Variants in AFF2 observed in about 807,000 individuals in gnomAD.
AFF2 encodes the protein ALF transcription elongation factor 2, also known as AF4/FMR2 family member 2.
A neutral mutation model predicts 76.9 loss-of-function variants in AFF2; 14 were observed. The ratio of observed to expected loss-of-function variants is 0.18; its 90% confidence interval spans 0.12 to 0.28. The LOEUF is 0.28. AFF2 is among the 10% of genes least tolerant of loss of function. The pLI is 1.00. For missense variants in AFF2, 868 were observed against 1,001.1 expected (o/e 0.87, Z 1.79); for synonymous variants, 398 against 366.7 (o/e 1.09, Z -0.98).
At chrX:148,893,879 T>G (rs2071251744) in intron 8 of AFF2, among the ~76,000 whole-genome samples, 1 of 111,792 alleles carries the variant, frequency 8.9e-6, no homozygotes, top group Non-Finnish European at 1.9e-5. Flanking sequence ...GTCCTCATCA[T>G]GTTGCCCTTT....
intron 1 of AFF2, 85 bp downstream of exon 1, chrX:148,501,229 A>G: frequency 1.8e-6 from 2 of 1,134,592 alleles, no homozygotes. Context: ...GAGGAGCTGA[A>G]GCTGTCGTGG....
intron 1 of AFF2, among the ~76,000 whole-genome samples, chrX:148,583,080 G>A (rs1378282692): frequency 1.8e-5 from 2 of 111,759 alleles, no homozygotes; most frequent in East Asian, 2.8e-4. Flanking sequence ...GTAAATTAGT[G>A]GTTGTAACTG....
intron 1 of AFF2, among the ~76,000 whole-genome samples, chrX:148,544,351 G>A (rs1381141643): frequency 8.9e-6 from 1 of 111,854 alleles, no homozygotes; most frequent in African/African-American, 3.2e-5. Flanking sequence ...ATCCCAGCTG[G>A]GAAATGATTT....
Position 148,904,226 on chromosome X carries a change from T to C in AFF2, c.1365T>C (p.Val455=), listed in dbSNP as rs782384593. 1.1e-5 allele frequency: 13 copies of C among 1,154,169 alleles called. No individual in the cohort carries two copies. Among genetic ancestry groups the C allele is most frequent in the Admixed American group, 6.7e-5 (3 of 44,955 alleles). The change falls in exon 9 of 21, where the codon GTT becomes GTC. Residue 455 remains valine, a synonymous_variant. Coordinates refer to ENST00000370460, the MANE Select transcript of AFF2 (RefSeq NM_002025.4). ...QCTATELYQA[V]EKAKPRNNPV... is the part of the protein sequence containing the mutation. ...ATTTTTTCTTCTGTTTACAGGCTGT[T>C]GAAAAGGCAAAACCTAGGAATAATC...
At chrX:148,527,040 C>G (rs2052668470) in intron 1 of AFF2, among the ~76,000 whole-genome samples, 2 of 111,653 alleles carry the variant, frequency 1.8e-5, no homozygotes, top group Non-Finnish European at 3.8e-5. Flanking sequence ...TAAGTATTTC[C>G]CTACAAAATA....
chrX:148,590,229 G>C (rs2053510469), intron 1 of AFF2, among the ~76,000 whole-genome samples: 1 of 109,117 alleles, frequency 9.2e-6, no homozygotes, highest in African/African-American at 3.3e-5. Context: ...GCCATTGGCT[G>C]TTAGAAAAAA....
intron 7 of AFF2, among the ~76,000 whole-genome samples, chrX:148,851,531 G>C (rs2070730810): frequency 9.0e-6 from 1 of 111,274 alleles, no homozygotes; most frequent in African/African-American, 3.3e-5. Context: ...ATACTGCCTT[G>C]TCCTTGCCAA....
Position 148,800,634 on chromosome X carries a change from A to G in AFF2, c.1042-9242A>G, listed in dbSNP as rs782355391. On this transcript the variant is annotated intron_variant, in intron 3 of 20. Coordinates refer to ENST00000370460, the MANE Select transcript of AFF2 (RefSeq NM_002025.4). ...AAAAGCTTCTTTTTTAAACGGGGTT[A>G]TGGAACTTAATTTAAGACCCCATAA... Among the ~76,000 whole-genome samples the G allele has an allele frequency of 9.9e-5, 11 of 111,468 alleles. No homozygotes were observed. The East Asian group carries it at 2.3e-3, about 23-fold the overall frequency.
chrX:148,689,565 G>A (rs916177854), intron 3 of AFF2, among the ~76,000 whole-genome samples: 1 of 111,079 alleles, frequency 9.0e-6, no homozygotes, highest in South Asian at 3.9e-4. Flanking sequence ...TCTTTTTCTA[G>A]TTCATGGATT....
intron 1 of AFF2, among the ~76,000 whole-genome samples, chrX:148,588,404 T>A (rs2053490141): frequency 8.9e-6 from 1 of 112,328 alleles, no homozygotes; most frequent in African/African-American, 3.2e-5. Flanking sequence ...ACTTTGTTAG[T>A]CCCTCCAACA....
intron 5 of AFF2, among the ~76,000 whole-genome samples, chrX:148,842,459 C>T (rs572301755): frequency 3.6e-5 from 4 of 112,615 alleles, no homozygotes; most frequent in African/African-American, 1.3e-4. Context: ...TGAGGTACAT[C>T]TGTGCACATG....
chrX:148,772,230 G>A (rs991097209), intron 3 of AFF2, among the ~76,000 whole-genome samples: 2 of 112,010 alleles, frequency 1.8e-5, no homozygotes, highest in African/African-American at 3.2e-5. Context: ...CAAATCACTC[G>A]TTTTGTTTCT....
chrX:148,771,016 G>A (rs1316438057), intron 3 of AFF2, among the ~76,000 whole-genome samples: 1 of 111,691 alleles, frequency 9.0e-6, no homozygotes, highest in East Asian at 2.8e-4. Flanking sequence ...TTCTTTCACA[G>A]GATCTGGAAT....
At chrX:148,706,188 T>G (rs1460369501) in intron 3 of AFF2, among the ~76,000 whole-genome samples, 1 of 112,371 alleles carries the variant, frequency 8.9e-6, no homozygotes, top group African/African-American at 3.2e-5. Flanking sequence ...CTCAGAGCCT[T>G]GCATTAAAAT....
intron 1 of AFF2, among the ~76,000 whole-genome samples, chrX:148,556,910 A>G (rs1457090179): frequency 2.7e-5 from 3 of 112,118 alleles, no homozygotes; most frequent in African/African-American, 9.7e-5. Flanking sequence ...TTCTTTTTTA[A>G]TATCATTTAT....
chrX:148,951,208 T>C (rs1425697948), intron 9 of AFF2, among the ~76,000 whole-genome samples: 1 of 111,208 alleles, frequency 9.0e-6, no homozygotes, highest in Non-Finnish European at 1.9e-5. Context: ...CCCCAATTTT[T>C]CTACTAAATC....
chrX:148,609,859 C>T (rs2053709417), intron 1 of AFF2, among the ~76,000 whole-genome samples: 1 of 111,661 alleles, frequency 9.0e-6, no homozygotes, highest in Non-Finnish European at 1.9e-5. Flanking sequence ...TTCCTGCTTC[C>T]TTGGCAAGGC....
chrX:148,983,593 A>C (rs914459976), intron 19 of AFF2, among the ~76,000 whole-genome samples: 1 of 111,940 alleles, frequency 8.9e-6, no homozygotes, highest in East Asian at 2.8e-4. Flanking sequence ...TAGAATTCCC[A>C]CAGCACTTGG....
At chrX:148,617,944 A>G (rs1557250705) in intron 1 of AFF2, among the ~76,000 whole-genome samples, 2 of 111,857 alleles carry the variant, frequency 1.8e-5, no homozygotes, top group African/African-American at 3.2e-5. Flanking sequence ...ATCTTTACAC[A>G]GGAGTGACAT....
Sources: allele counts gnomAD v4.1 joint callset (sites outside exome capture counted in the v4.1 genomes callset), GRCh38; gene constraint gnomAD v4.1.1; transcripts MANE v1.5; gene names NCBI Gene and HGNC (gene_info 2026-07-23, HGNC 2026-07-21).